TMEM132D: variants seen among roughly 807,000 people sequenced by gnomAD.
TMEM132D encodes transmembrane protein 132D.
In TMEM132D, 21 loss-of-function variants were observed where a neutral mutation model predicts 62.3. That is an observed-to-expected ratio of 0.34 (90% CI 0.24 to 0.49). The LOEUF is 0.49. Among genes scored for constraint, TMEM132D ranks in the 20% least tolerant of loss-of-function variants. The pLI, the probability that TMEM132D is intolerant of heterozygous loss-of-function variation, is 0.99. For synonymous variants in TMEM132D, 621 were observed against 575.6 expected, an observed-to-expected ratio of 1.08 and a Z score of -1.13; for missense variants, 1,346 against 1,402.8, an observed-to-expected ratio of 0.96 and a Z score of 0.65.
chr12:129,583,663 T>C (rs1406967958), intron 2 of TMEM132D, among the ~76,000 whole-genome samples: 1 of 152,130 alleles, frequency 6.6e-6, no homozygotes, highest in East Asian at 1.9e-4. Flanking sequence ...ACCTGCGCTA[T>C]GAGGATAGAG....
At chr12:129,213,041 T>C (rs1879099367) in intron 4 of TMEM132D, among the ~76,000 whole-genome samples, 1 of 152,076 alleles carries the variant, frequency 6.6e-6, no homozygotes, top group African/African-American at 2.4e-5. Context: ...AATAGGAGAG[T>C]GTGCAAGTGA....
rs142741748 is a variant in TMEM132D, at chr12:129,330,467, G to A, written c.1299+7167C>T. On this transcript the variant is annotated intron_variant, in intron 4 of 8. Coordinates refer to ENST00000422113, the MANE Select transcript of TMEM132D (RefSeq NM_133448.3). ...TGGCCCTTTAAGAGGTGACTGGGCC[G>A]TGAGGGCCCTACACTCGTGAATGAA... Among the ~76,000 whole-genome samples, 764 of 152,296 alleles carry A rather than the reference G, an allele frequency of 5.0e-3. 8 individuals are homozygous for A. The highest frequency in any genetic ancestry group is 7.1e-3 in the Non-Finnish European group (480 of 68,034).
At chr12:129,224,206 T>A (rs540418445) in intron 4 of TMEM132D, among the ~76,000 whole-genome samples, 25 of 152,318 alleles carry the variant, frequency 1.6e-4, no homozygotes, top group African/African-American at 5.5e-4. Context: ...CTTTTTTTCC[T>A]CTTTAGTTAA....
At chr12:129,399,865 A>G (rs1250516447) in intron 3 of TMEM132D, among the ~76,000 whole-genome samples, 1 of 151,552 alleles carries the variant, frequency 6.6e-6, no homozygotes, top group Admixed American at 6.6e-5. Context: ...CAGTTTGGAA[A>G]GAGTTGTGTG....
Position 129,502,221 on chromosome 12 carries a change from G to C in TMEM132D, c.1115+28838C>G, listed in dbSNP as rs531210929. Reference sequence around the variant, plus strand: ...TCACTGTGTTAGCCAGGATGGTCTTGATCTCCTGACCTCGTGATCCACCCG... The same window carrying C: ...TCACTGTGTTAGCCAGGATGGTCTTCATCTCCTGACCTCGTGATCCACCCG... On this transcript the variant is annotated intron_variant, in intron 3 of 8. Coordinates refer to ENST00000422113, the MANE Select transcript of TMEM132D (RefSeq NM_133448.3). Among the ~76,000 whole-genome samples, 6 of 151,962 alleles carry C rather than the reference G, an allele frequency of 3.9e-5. No individual in the cohort carries two copies. In the South Asian group the frequency reaches 1.0e-3, roughly 26 times the overall value.
chr12:129,595,789 G>T (rs1878319581), intron 2 of TMEM132D, among the ~76,000 whole-genome samples: 1 of 152,206 alleles, frequency 6.6e-6, no homozygotes, highest in African/African-American at 2.4e-5. Flanking sequence ...AGCCCAGGCA[G>T]GGCCAGAAGA....
At position 129,310,033 on chromosome 12, in the gene TMEM132D, AGAAAATCTAGATGAGGGCTGGCCGAGGAG is replaced by A. The variant is rs1157089619; in HGVS notation, c.1299+27572_1299+27600del. On this transcript the variant is annotated intron_variant, in intron 4 of 8. Coordinates refer to ENST00000422113, the MANE Select transcript of TMEM132D (RefSeq NM_133448.3). ...TTCCCAAAAAAAAAGTGCTACAGCC[AGAAAATCTAGATGAGGGCTGGCCGAGGAG>A]GAAAATCTAGATGAGGGCTGGCCGA... 6.1e-3 allele frequency among the ~76,000 whole-genome samples: 934 copies of A among 152,234 alleles called. 7 individuals carry two copies. The highest frequency in any genetic ancestry group is 0.021 in the African/African-American group (872 of 41,500).
rs376026492 is a variant in TMEM132D, at chr12:129,142,108, A to G, written c.1444-57406T>C. On this transcript the variant is annotated intron_variant, in intron 5 of 8. Coordinates refer to ENST00000422113, the MANE Select transcript of TMEM132D (RefSeq NM_133448.3). ...TGATGGAAAAGACAAGGCTGTTAAA[A>G]AATAAAAAGGTTGGCCATAAATAAT... 4.5e-4 allele frequency among the ~76,000 whole-genome samples: 69 copies of G among 151,706 alleles called. 2 individuals are homozygous for G. In the South Asian group the frequency reaches 0.014, roughly 31 times the overall value.
chr12:129,830,764 A>G (rs1475479999), intron 1 of TMEM132D, among the ~76,000 whole-genome samples: 1 of 152,160 alleles, frequency 6.6e-6, no homozygotes, highest in Non-Finnish European at 1.5e-5. Context: ...CTACGTAGAA[A>G]GCACTTTATA....
chr12:129,473,713 G>A (rs1039495984), intron 3 of TMEM132D, among the ~76,000 whole-genome samples: 1 of 152,148 alleles, frequency 6.6e-6, no homozygotes, highest in Non-Finnish European at 1.5e-5. Flanking sequence ...ATAGAATAGT[G>A]TAAACATAAC....
At chr12:129,346,317 ATTC>A (rs1201577365) in intron 3 of TMEM132D, among the ~76,000 whole-genome samples, 1 of 151,450 alleles carries the variant, frequency 6.6e-6, no homozygotes, top group Admixed American at 6.6e-5. Flanking sequence ...TGTCTATTTG[ATTC>A]TTCTCTCTTT....
At chr12:129,771,645 G>A (rs1396230527) in intron 1 of TMEM132D, among the ~76,000 whole-genome samples, 2 of 152,236 alleles carry the variant, frequency 1.3e-5, no homozygotes, top group African/African-American at 4.8e-5. Flanking sequence ...AGCAAGAAGA[G>A]TATCAAAATG....
chr12:129,576,192 A>G (rs1339022552), intron 2 of TMEM132D, among the ~76,000 whole-genome samples: 1 of 151,910 alleles, frequency 6.6e-6, no homozygotes, highest in African/African-American at 2.4e-5. Context: ...ACCTACACTG[A>G]CCATCTCCGC....
intron 2 of TMEM132D, among the ~76,000 whole-genome samples, chr12:129,533,785 G>T (rs965905616): frequency 1.3e-5 from 2 of 150,148 alleles, no homozygotes; most frequent in African/African-American, 5.0e-5. Context: ...TTTTATACAG[G>T]ACACTGGGAA....
chr12:129,617,947 C>G (rs1028255431), intron 2 of TMEM132D, among the ~76,000 whole-genome samples: 6 of 152,144 alleles, frequency 3.9e-5, no homozygotes, highest in African/African-American at 1.4e-4. Context: ...TTTCAGATCT[C>G]AAGTCTGATG....
intron 1 of TMEM132D, among the ~76,000 whole-genome samples, chr12:129,708,498 C>A (rs568913767): frequency 1.3e-5 from 2 of 151,326 alleles, no homozygotes; most frequent in Non-Finnish European, 2.9e-5. Flanking sequence ...GAATGCCTAT[C>A]GGTCTCCCTG....
chr12:129,693,972 C>T (rs1289989446), intron 2 of TMEM132D, among the ~76,000 whole-genome samples: 1 of 152,156 alleles, frequency 6.6e-6, no homozygotes, highest in Non-Finnish European at 1.5e-5. Context: ...AGGGAGTCTC[C>T]CTAGTGCCCA....
At chr12:129,388,253 C>T (rs1185443265) in intron 3 of TMEM132D, among the ~76,000 whole-genome samples, 7 of 128,810 alleles carry the variant, frequency 5.4e-5, no homozygotes, top group African/African-American at 5.5e-5. Context: ...ACACTAACAC[C>T]GACACCAATA....
At chr12:129,447,025 A>G (rs1873118984) in intron 3 of TMEM132D, among the ~76,000 whole-genome samples, 1 of 152,192 alleles carries the variant, frequency 6.6e-6, no homozygotes, top group Non-Finnish European at 1.5e-5. Flanking sequence ...TGCAGTGTAG[A>G]GAATCCTGCT....
Sources: allele counts gnomAD v4.1 joint callset (sites outside exome capture counted in the v4.1 genomes callset), GRCh38; gene constraint gnomAD v4.1.1; transcripts MANE v1.5; gene names NCBI Gene and HGNC (gene_info 2026-07-23, HGNC 2026-07-21).